CRY1: variants seen among roughly 807,000 people sequenced by gnomAD.
CRY1 encodes cryptochrome-1.
CRY1 carries 45 observed loss-of-function variants against 76.0 expected under a neutral mutation model. The ratio of observed to expected loss-of-function variants is 0.59; its 90% CI spans 0.47 to 0.76. The LOEUF is 0.76. CRY1 is among the 30% of genes least tolerant of loss of function. The pLI is 0.00. For synonymous variants in CRY1, 248 were observed against 244.0 expected (o/e 1.02, Z -0.15); for missense variants, 587 against 716.4 (o/e 0.82, Z 2.06).
intron 2 of CRY1, among the ~76,000 whole-genome samples, chr12:107,018,582 C>A (rs184852667): frequency 6.6e-6 from 1 of 151,620 alleles, no homozygotes; most frequent in African/African-American, 2.4e-5. Context: ...GCAAGACTCT[C>A]TCTCAAAAAA....
At chr12:107,037,816 C>T (rs1045093311) in intron 1 of CRY1, among the ~76,000 whole-genome samples, 4 of 152,176 alleles carry the variant, frequency 2.6e-5, no homozygotes, top group South Asian at 2.1e-4. Flanking sequence ...TTAAACGATC[C>T]TCCCACCTCA....
At chr12:107,036,688 C>T (rs1332926991) in intron 1 of CRY1, among the ~76,000 whole-genome samples, 1 of 151,958 alleles carries the variant, frequency 6.6e-6, no homozygotes, top group Non-Finnish European at 1.5e-5. Flanking sequence ...TACTCTCCTT[C>T]TCACTCACTC....
chr12:107,014,266 G>A (rs918500324), intron 2 of CRY1, among the ~76,000 whole-genome samples: 3 of 152,172 alleles, frequency 2.0e-5, no homozygotes, highest in Admixed American at 1.3e-4. Context: ...CCACCAGGTG[G>A]CATAGAAACT....
chr12:107,009,601 T>TATATAC (rs1464424611), intron 2 of CRY1, among the ~76,000 whole-genome samples: 1 of 18,316 alleles, frequency 5.5e-5, no homozygotes, highest in Non-Finnish European at 9.9e-5. Context: ...TATATATATA[T>TATATAC]AAAATCTCTA....
chr12:107,076,814 T>G (rs143692952), intron 1 of CRY1, among the ~76,000 whole-genome samples: 2 of 152,200 alleles, frequency 1.3e-5, no homozygotes, highest in African/African-American at 4.8e-5. Context: ...ATCATCCCTT[T>G]TGGTACATCT....
chr12:107,018,404 T>C (rs1952519359), intron 2 of CRY1, among the ~76,000 whole-genome samples: 1 of 152,208 alleles, frequency 6.6e-6, no homozygotes, highest in Non-Finnish European at 1.5e-5. Flanking sequence ...TCTGGCCAAT[T>C]GGCGAAACCC....
chr12:107,040,287 G>GT (rs58899017), intron 1 of CRY1, among the ~76,000 whole-genome samples: 1,287 of 117,552 alleles, frequency 0.011, 11 homozygotes, highest in Non-Finnish European at 0.015. Flanking sequence ...TTTTTTTTTA[G>GT]TTTTTTTTTT....
At chr12:107,013,529 ATTTAC>A (rs1353188759) in intron 2 of CRY1, among the ~76,000 whole-genome samples, 1 of 152,196 alleles carries the variant, frequency 6.6e-6, no homozygotes, top group Non-Finnish European at 1.5e-5. Flanking sequence ...TTATTGCAAT[ATTTAC>A]TTTATTGTGG....
chr12:107,005,094 AAAAG>A lies in CRY1; in HGVS notation c.410+8_410+11del. On this transcript the variant is annotated splice_region_variant and intron_variant, in intron 3 of 12. Transcript: ENST00000008527. Reference sequence around the variant, plus strand: ...CGCATTTTCCCACAGTAAAAAAAAAAAAAGGACTCACTTGTCTAGGTCATATAAT... The same window carrying A: ...CGCATTTTCCCACAGTAAAAAAAAAAGACTCACTTGTCTAGGTCATATAAT... The A allele has an allele frequency of 6.3e-7, 1 of 1,588,398 alleles. No homozygotes were observed. Among genetic ancestry groups the A allele is most frequent in the Non-Finnish European group, 8.5e-7 (1 of 1,172,664 alleles).
At chr12:107,086,503 G>A (rs568253496) in intron 1 of CRY1, among the ~76,000 whole-genome samples, 51 of 152,274 alleles carry the variant, frequency 3.3e-4, no homozygotes, top group African/African-American at 1.0e-3. Context: ...AGGCCTCCTC[G>A]GGCAAAATGG....
chr12:107,016,627 T>C (rs1952500642), intron 2 of CRY1, among the ~76,000 whole-genome samples: 1 of 152,208 alleles, frequency 6.6e-6, no homozygotes, highest in Non-Finnish European at 1.5e-5. Context: ...AACTCTAGTC[T>C]TAGGGTCTAA....
chr12:107,030,386 A>C (rs1446341516), intron 1 of CRY1, among the ~76,000 whole-genome samples: 2 of 152,212 alleles, frequency 1.3e-5, no homozygotes, highest in Non-Finnish European at 2.9e-5. Context: ...TCTGACTCCA[A>C]ACCATAGTGC....
At chr12:107,009,731 G>T (rs941460184) in intron 2 of CRY1, among the ~76,000 whole-genome samples, 1 of 150,894 alleles carries the variant, frequency 6.6e-6, no homozygotes, top group Non-Finnish European at 1.5e-5. Context: ...TAAATATAAT[G>T]AGACCACATA....
chr12:107,021,226 T>G (rs1469786943), intron 2 of CRY1, among the ~76,000 whole-genome samples: 2 of 152,024 alleles, frequency 1.3e-5, no homozygotes, highest in African/African-American at 4.8e-5. Context: ...GAGGTTGTAG[T>G]GCGCTGAGAT....
intron 2 of CRY1, among the ~76,000 whole-genome samples, chr12:107,011,121 C>A (rs185462970): frequency 6.6e-6 from 1 of 152,036 alleles, no homozygotes; most frequent in Non-Finnish European, 1.5e-5. Flanking sequence ...CCAAGGCGGG[C>A]GGATCACGAG....
At chr12:107,031,115 AAAC>A (rs565096581) in intron 1 of CRY1, among the ~76,000 whole-genome samples, 42 of 152,132 alleles carry the variant, frequency 2.8e-4, no homozygotes, top group Admixed American at 2.2e-3. Flanking sequence ...ACAAACTGAG[AAAC>A]AACAACAACA....
At chr12:107,001,174 C>A (rs905804804) in intron 5 of CRY1, 106 bp downstream of exon 5, 3 of 783,444 alleles carry the variant, frequency 3.8e-6, no homozygotes, top group South Asian at 1.9e-5. Context: ...TTCTGTTAAT[C>A]CTCCCCTTTC....
At chr12:107,068,359 A>T (rs1054854343) in intron 1 of CRY1, among the ~76,000 whole-genome samples, 1 of 152,134 alleles carries the variant, frequency 6.6e-6, no homozygotes, top group African/African-American at 2.4e-5. Context: ...GTGCAGTGCC[A>T]TGATCTTGGC....
chr12:107,054,408 G>A (rs1325559765), intron 1 of CRY1, among the ~76,000 whole-genome samples: 1 of 150,964 alleles, frequency 6.6e-6, no homozygotes, highest in East Asian at 1.9e-4. Context: ...AATAAATCTA[G>A]TTATTAGAAA....
Sources: allele counts gnomAD v4.1 joint callset (sites outside exome capture counted in the v4.1 genomes callset), GRCh38; gene constraint gnomAD v4.1.1; transcripts MANE v1.5; gene names NCBI Gene and HGNC (gene_info 2026-07-23, HGNC 2026-07-21).